TRDN: variants seen among roughly 807,000 people sequenced by gnomAD.
TRDN encodes triadin.
Under a neutral mutation model 149.7 loss-of-function variants are expected in TRDN, and 161 were observed. The observed-to-expected ratio is 1.08, with a 90% CI of 0.95 to 1.23. The LOEUF is 1.23. Among genes scored for constraint, TRDN ranks in the 50% most tolerant of loss-of-function variants. The pLI, the probability that TRDN is intolerant of heterozygous loss-of-function variation, is 0.00. For missense variants in TRDN, 896 were observed against 823.5 expected, an observed-to-expected ratio of 1.09 and a Z score of -1.08; for synonymous variants, 294 against 250.5, an observed-to-expected ratio of 1.17 and a Z score of -1.64.
At chr6:123,473,763 A>G (rs1777315741) in intron 9 of TRDN, among the ~76,000 whole-genome samples, 1 of 152,086 alleles carries the variant, frequency 6.6e-6, no homozygotes, top group Non-Finnish European at 1.5e-5. Flanking sequence ...AAACCCTACA[A>G]GCCAGAAGAG....
At chr6:123,474,094 A>C (rs940384731) in intron 9 of TRDN, among the ~76,000 whole-genome samples, 12 of 152,130 alleles carry the variant, frequency 7.9e-5, no homozygotes, top group African/African-American at 2.9e-4. Flanking sequence ...ACACATAACA[A>C]TATTAACTTT....
At chr6:123,307,820 G>A (rs568593679) in intron 24 of TRDN, among the ~76,000 whole-genome samples, 98 of 151,468 alleles carry the variant, frequency 6.5e-4, no homozygotes, top group South Asian at 2.7e-3. Context: ...AGTTGTTCTC[G>A]GTTCTTTTCT....
At chr6:123,584,447 G>T (rs971048493) in intron 1 of TRDN, among the ~76,000 whole-genome samples, 34 of 151,990 alleles carry the variant, frequency 2.2e-4, no homozygotes, top group African/African-American at 7.5e-4. Flanking sequence ...GCTACAGGGT[G>T]CGGTCCTGGC....
intron 23 of TRDN, among the ~76,000 whole-genome samples, chr6:123,320,029 G>T (rs1483791811): frequency 6.6e-6 from 1 of 151,994 alleles, no homozygotes. Flanking sequence ...AAAAAGAAAA[G>T]AAATAAATTT....
At chr6:123,617,642 A>G (rs1056158051) in intron 1 of TRDN, among the ~76,000 whole-genome samples, 1 of 152,176 alleles carries the variant, frequency 6.6e-6, no homozygotes, top group Non-Finnish European at 1.5e-5. Flanking sequence ...TGTGACCTTG[A>G]TAAAGGAACT....
intron 4 of TRDN, among the ~76,000 whole-genome samples, chr6:123,539,576 C>T (rs1000873151): frequency 3.3e-5 from 5 of 152,184 alleles, no homozygotes; most frequent in African/African-American, 9.7e-5. Flanking sequence ...ATACCAATAC[C>T]TCCTTGTTGC....
chr6:123,338,011 T>C (rs2114738633), intron 21 of TRDN, among the ~76,000 whole-genome samples: 1 of 152,202 alleles, frequency 6.6e-6, no homozygotes, highest in Non-Finnish European at 1.5e-5. Flanking sequence ...TACCATTTTC[T>C]CATTCAGTGC....
chr6:123,346,050 C>A (rs1486975306), intron 21 of TRDN, among the ~76,000 whole-genome samples: 2 of 152,006 alleles, frequency 1.3e-5, no homozygotes, highest in African/African-American at 4.8e-5. Context: ...TTCGCTAAAA[C>A]TTTCAGTATG....
intron 24 of TRDN, among the ~76,000 whole-genome samples, chr6:123,302,615 G>T (rs1009907847): frequency 6.6e-6 from 1 of 151,944 alleles, no homozygotes; most frequent in Non-Finnish European, 1.5e-5. Context: ...TGGAATAAGT[G>T]AATAAAACAC....
chr6:123,621,316 A>G (rs557337851), intron 1 of TRDN, among the ~76,000 whole-genome samples: 1 of 152,258 alleles, frequency 6.6e-6, no homozygotes, highest in Admixed American at 6.5e-5. Flanking sequence ...GGACGTTTCT[A>G]GGAGACACCC....
At chr6:123,287,974 A>C (rs540052627) in intron 24 of TRDN, among the ~76,000 whole-genome samples, 3 of 151,944 alleles carry the variant, frequency 2.0e-5, no homozygotes, top group Non-Finnish European at 4.4e-5. Context: ...TATTTTCCAA[A>C]TTTCTTTAAT....
intron 21 of TRDN, among the ~76,000 whole-genome samples, chr6:123,343,641 G>A (rs533916934): frequency 6.6e-6 from 1 of 151,812 alleles, no homozygotes; most frequent in African/African-American, 2.4e-5. Flanking sequence ...CGAGATTTCC[G>A]TGCACTCGAG....
chr6:123,265,567 T>C (rs1004253751), intron 32 of TRDN, among the ~76,000 whole-genome samples: 2 of 151,308 alleles, frequency 1.3e-5, no homozygotes, highest in Non-Finnish European at 3.0e-5. Flanking sequence ...TTTTGGTCTC[T>C]TTTTTATTCC....
At chr6:123,499,719 A>AAAAAAATATATAT in intron 8 of TRDN, among the ~76,000 whole-genome samples, 4 of 47,674 alleles carry the variant, frequency 8.4e-5, no homozygotes, top group Non-Finnish European at 1.3e-4. Flanking sequence ...AAAAAAAAAA[A>AAAAAAATATATAT]ATATATATAT....
chr6:123,598,435 A>G (rs1256815778), intron 1 of TRDN, among the ~76,000 whole-genome samples: 1 of 152,092 alleles, frequency 6.6e-6, no homozygotes, highest in Non-Finnish European at 1.5e-5. Context: ...AAGATTGCAC[A>G]CTACGTTTAA....
At chr6:123,356,662 T>C (rs1174977962) in intron 20 of TRDN, among the ~76,000 whole-genome samples, 2 of 149,814 alleles carry the variant, frequency 1.3e-5, no homozygotes, top group African/African-American at 2.4e-5. Context: ...GGTGCTAATT[T>C]TTTCTTAAAT....
intron 10 of TRDN, among the ~76,000 whole-genome samples, chr6:123,444,421 C>G (rs1336089148): frequency 6.8e-6 from 1 of 146,728 alleles, no homozygotes; most frequent in Non-Finnish European, 1.5e-5. Context: ...AGATTTTGGG[C>G]TGAGACAATG....
At chr6:123,580,186 CCA>C (rs1783053040) in intron 1 of TRDN, among the ~76,000 whole-genome samples, 1 of 152,064 alleles carries the variant, frequency 6.6e-6, no homozygotes, top group South Asian at 2.1e-4. Context: ...CCATTTCAGT[CCA>C]TTTCAGAGCT....
Position 123,271,291 on chromosome 6 carries a change from A to G in TRDN, c.1673-105T>C, listed in dbSNP as rs1777197662. On this transcript the variant is annotated intron_variant, in intron 29 of 40. Coordinates refer to ENST00000334268, the MANE Select transcript of TRDN (RefSeq NM_006073.4). ...TTTTGAAATAGTGCCAATGCCAAGA[A>G]AAACTTGTTGCCTCAATAAAACAGC... 5.7e-6 allele frequency: 4 copies of G among 702,916 alleles called. No individual in the cohort carries two copies. In the East Asian group the frequency reaches 1.2e-4, roughly 21 times the overall value. The allele number at this position is 702,916 out of a possible 1,614,324, so 43.5% of individuals were successfully genotyped here.
Sources: gnomAD v4.1 joint callset for allele counts (sites outside exome capture counted in the v4.1 genomes callset) on GRCh38, gnomAD v4.1.1 for gene constraint, MANE v1.5 for transcripts, NCBI Gene and HGNC (gene_info 2026-07-23, HGNC 2026-07-21) for gene names.